VPS50: variants seen among roughly 807,000 people sequenced by gnomAD.
VPS50 encodes the protein VPS50 subunit of EARP/GARPII complex, also known as syndetin.
Under a neutral mutation model 139.7 loss-of-function variants are expected in VPS50, and 70 were observed. The ratio of observed to expected loss-of-function variants is 0.50; its 90% CI spans 0.41 to 0.61. VPS50 has a LOEUF of 0.61. Among genes scored for constraint, VPS50 ranks in the 20% least tolerant of loss-of-function variants. The pLI, the probability that VPS50 is intolerant of heterozygous loss-of-function variation, is 0.00. For synonymous variants in VPS50, 365 were observed against 376.7 expected, an observed-to-expected ratio of 0.97 and a Z score of 0.36; for missense variants, 921 against 1,133.7, an observed-to-expected ratio of 0.81 and a Z score of 2.69.
intron 9 of VPS50, among the ~76,000 whole-genome samples, chr7:93,268,825 C>A (rs777579011): frequency 6.6e-6 from 1 of 152,098 alleles, no homozygotes; most frequent in Non-Finnish European, 1.5e-5. Context: ...TGAGCATACA[C>A]GTGCATGTAT....
intron 21 of VPS50, among the ~76,000 whole-genome samples, chr7:93,326,979 T>G (rs530909904): frequency 1.3e-5 from 2 of 152,314 alleles, no homozygotes; most frequent in South Asian, 4.1e-4. Flanking sequence ...GCTACAGAAT[T>G]TATATACTAT....
At chr7:93,317,850 C>T (rs967483486) in intron 20 of VPS50, among the ~76,000 whole-genome samples, 7 of 151,950 alleles carry the variant, frequency 4.6e-5, no homozygotes, top group South Asian at 2.1e-4. Flanking sequence ...ATCCTTGTTT[C>T]GGATACTTGG....
At chr7:93,335,867 T>C (rs943189936) in intron 22 of VPS50, among the ~76,000 whole-genome samples, 2 of 152,242 alleles carry the variant, frequency 1.3e-5, no homozygotes, top group Admixed American at 1.3e-4. Context: ...ACTCCAGTTC[T>C]AGATTTGACC....
intron 11 of VPS50, 106 bp from the exon 12 acceptor site, chr7:93,276,059 T>C (rs1336397875): frequency 1.9e-6 from 2 of 1,044,630 alleles, no homozygotes; most frequent in East Asian, 5.0e-5. Flanking sequence ...TATCTTTGTG[T>C]TGTAACTATT....
intron 12 of VPS50, among the ~76,000 whole-genome samples, chr7:93,283,439 T>C (rs1044874325): frequency 2.6e-5 from 4 of 152,076 alleles, no homozygotes; most frequent in Non-Finnish European, 5.9e-5. Flanking sequence ...TTTCACCATG[T>C]TGGTCAGGCT....
intron 20 of VPS50, among the ~76,000 whole-genome samples, chr7:93,320,222 C>CT (rs1797563849): frequency 6.6e-6 from 1 of 151,768 alleles, no homozygotes; most frequent in Admixed American, 6.6e-5. Context: ...GGTAGATTTA[C>CT]TGGCAGTCTT....
intron 11 of VPS50, among the ~76,000 whole-genome samples, chr7:93,274,126 G>A (rs565323949): frequency 3.3e-5 from 5 of 152,092 alleles, no homozygotes; most frequent in African/African-American, 9.6e-5. Flanking sequence ...TTGAAAATAG[G>A]CCAATTAATA....
chr7:93,263,141 A>G (rs1379380321), intron 9 of VPS50, among the ~76,000 whole-genome samples: 1 of 151,870 alleles, frequency 6.6e-6, no homozygotes, highest in Non-Finnish European at 1.5e-5. Context: ...GCCTACTCAT[A>G]CAGGATTCAT....
intron 20 of VPS50, among the ~76,000 whole-genome samples, chr7:93,314,948 TA>T (rs771416335): frequency 3.3e-5 from 5 of 152,024 alleles, no homozygotes; most frequent in Non-Finnish European, 5.9e-5. Flanking sequence ...AGGTGATGCA[TA>T]AAAATGGTTA....
chr7:93,348,646 G>T, intron 23 of VPS50, 65 bp from the exon 24 acceptor site: 1 of 1,061,290 alleles, frequency 9.4e-7, no homozygotes. Flanking sequence ...ATACTTATAC[G>T]AAAGCATGAC....
At chr7:93,256,686 GGT>G in intron 5 of VPS50, 124 bp downstream of exon 5, 2 of 579,352 alleles carry the variant, frequency 3.5e-6, no homozygotes, top group Non-Finnish European at 3.0e-6. Flanking sequence ...ACTGTTTTTG[GGT>G]GTGTTTGTGT....
rs1230807231 is a variant in VPS50 at position 93,355,884 on chromosome 7, A to G, written c.2586-7A>G. 5 of 1,523,814 alleles carry G rather than the reference A, an allele frequency of 3.3e-6. No homozygotes were observed. Among genetic ancestry groups the G allele is most frequent in the Admixed American group, 3.7e-5 (2 of 54,464 alleles). The allele number at this position is 1,523,814 out of a possible 1,614,324, so 94.4% of individuals were successfully genotyped here. On this transcript the variant is annotated splice_polypyrimidine_tract_variant and splice_region_variant and intron_variant, in intron 26 of 27. Transcript: ENST00000305866. Reference sequence around the variant, plus strand: ...AATGTATTTTTTTTTATTGTTTTGCATCTTAGATATGCCAATGTCAAGAAA... The same window carrying G: ...AATGTATTTTTTTTTATTGTTTTGCGTCTTAGATATGCCAATGTCAAGAAA...
At chr7:93,250,004 G>T (rs1267712113) in intron 2 of VPS50, among the ~76,000 whole-genome samples, 1 of 151,690 alleles carries the variant, frequency 6.6e-6, no homozygotes, top group East Asian at 1.9e-4. Context: ...CCCACTGTTG[G>T]GACCCTGGAT....
chr7:93,267,026 C>A (rs1795862610), intron 9 of VPS50, among the ~76,000 whole-genome samples: 1 of 152,068 alleles, frequency 6.6e-6, no homozygotes, highest in Admixed American at 6.6e-5. Context: ...AATTACTTAC[C>A]TTTAATAACA....
intron 11 of VPS50, among the ~76,000 whole-genome samples, chr7:93,273,684 A>T (rs1462916355): frequency 1.3e-5 from 2 of 152,096 alleles, no homozygotes; most frequent in African/African-American, 2.4e-5. Flanking sequence ...AGGTGTCTGG[A>T]TATAGGCTTT....
chr7:93,335,562 C>T (rs1798047749), intron 22 of VPS50, among the ~76,000 whole-genome samples: 1 of 151,984 alleles, frequency 6.6e-6, no homozygotes, highest in Non-Finnish European at 1.5e-5. Context: ...TTATTTGATC[C>T]ACCCTTTTTG....
chr7:93,258,961 T>A (rs1795581249), intron 8 of VPS50, among the ~76,000 whole-genome samples: 1 of 152,028 alleles, frequency 6.6e-6, no homozygotes. Flanking sequence ...AGGGAAAAGT[T>A]TTTGTGGTTT....
intron 9 of VPS50, among the ~76,000 whole-genome samples, chr7:93,270,822 G>A (rs768520808): frequency 1.3e-5 from 2 of 151,734 alleles, no homozygotes; most frequent in African/African-American, 2.4e-5. Flanking sequence ...TTTCCTGAAT[G>A]ACCAATACAC....
At position 93,352,732 on chromosome 7, in the gene VPS50, C is replaced by A. The variant is rs186144356; in HGVS notation, c.2464-908C>A. On this transcript the variant is annotated intron_variant, in intron 25 of 27. Coordinates refer to ENST00000305866, the MANE Select transcript of VPS50 (RefSeq NM_017667.4). ...AGGCTAAACCTTCTGCTCTTTCCGT[C>A]TAATTATTGGAGTTGTCTAAATCAG... Among the ~76,000 whole-genome samples, 344 of 152,144 alleles carry A rather than the reference C, an allele frequency of 2.3e-3. 1 individual carries two copies. The highest frequency in any genetic ancestry group is 7.5e-3 in the African/African-American group (313 of 41,520).
Sources: gnomAD v4.1 joint callset for allele counts (sites outside exome capture counted in the v4.1 genomes callset) on GRCh38, gnomAD v4.1.1 for gene constraint, MANE v1.5 for transcripts, NCBI Gene and HGNC (gene_info 2026-07-23, HGNC 2026-07-21) for gene names.